HOMER1: variants seen among roughly 807,000 people sequenced by gnomAD.
The protein encoded by HOMER1 is homer protein homolog 1.
Under a neutral mutation model 48.9 loss-of-function variants are expected in HOMER1, and 3 were observed. That is an observed-to-expected ratio of 0.06 (90% CI 0.03 to 0.16). The LOEUF is 0.16. HOMER1 is among the 10% of genes least tolerant of loss of function. The pLI is 1.00. For missense variants in HOMER1, 247 were observed against 411.4 expected (o/e 0.60, Z 3.46); for synonymous variants, 134 against 146.4 (o/e 0.92, Z 0.61).
At chr5:79,417,114 G>T (rs1749962801) in intron 5 of HOMER1, among the ~76,000 whole-genome samples, 1 of 150,654 alleles carries the variant, frequency 6.6e-6, no homozygotes, top group Non-Finnish European at 1.5e-5. Context: ...TATTTTTGTT[G>T]ATTTCCCTAT....
At chr5:79,394,837 T>C (rs543135572) in intron 8 of HOMER1, among the ~76,000 whole-genome samples, 1 of 152,336 alleles carries the variant, frequency 6.6e-6, no homozygotes, top group Non-Finnish European at 1.5e-5. Context: ...CCCAAAGCAC[T>C]GGGATTATAG....
In HOMER1 at chr5:79,473,785, C is replaced by T. The variant is rs965632579; in HGVS notation, c.6-16767G>A. ...AACAGCATGAGCATAGCATATCACC[C>T]TGCAGCAATTCCACATCATGGCAAT... On this transcript the variant is annotated intron_variant, in intron 1 of 8. Coordinates refer to ENST00000334082, the MANE Select transcript of HOMER1 (RefSeq NM_004272.5). 5.9e-5 allele frequency among the ~76,000 whole-genome samples: 9 copies of T among 152,088 alleles called. 1 individual carries two copies. Among genetic ancestry groups the T allele is most frequent in the African/African-American group, 2.2e-4 (9 of 41,406 alleles).
At chr5:79,481,678 A>G (rs1751950763) in intron 1 of HOMER1, among the ~76,000 whole-genome samples, 1 of 152,210 alleles carries the variant, frequency 6.6e-6, no homozygotes, top group Non-Finnish European at 1.5e-5. Flanking sequence ...TAGGAAGAGC[A>G]AGTAGAACAA....
intron 8 of HOMER1, among the ~76,000 whole-genome samples, chr5:79,379,469 TATATATAAATATATAA>T (rs992182545): frequency 8.7e-6 from 1 of 114,720 alleles, no homozygotes; most frequent in Non-Finnish European, 1.7e-5. Flanking sequence ...ATATATATTT[TATATATAAATATATAA>T]ATATATAAAT....
At chr5:79,389,137 T>A (rs1226740695) in intron 8 of HOMER1, among the ~76,000 whole-genome samples, 1 of 152,062 alleles carries the variant, frequency 6.6e-6, no homozygotes, top group Non-Finnish European at 1.5e-5. Flanking sequence ...GGAATCAGAT[T>A]TCTCAAAAGA....
intron 2 of HOMER1, among the ~76,000 whole-genome samples, chr5:79,452,774 A>G (rs1273952564): frequency 6.6e-6 from 1 of 152,192 alleles, no homozygotes; most frequent in African/African-American, 2.4e-5. Context: ...CTTATGCTCA[A>G]TTAAGTGTTT....
At chr5:79,419,116 ATTTTT>A (rs913635949) in intron 5 of HOMER1, among the ~76,000 whole-genome samples, 1 of 151,492 alleles carries the variant, frequency 6.6e-6, no homozygotes. Context: ...GGATGTCTAT[ATTTTT>A]TTTTAAGGAT....
Position 79,512,797 on chromosome 5 carries a change from T to C in HOMER1, c.-23A>G, listed in dbSNP as rs1176507740. 6.2e-7 allele frequency: 1 copy of C among 1,612,770 alleles called. No homozygotes were observed. The highest frequency in any genetic ancestry group is 8.5e-7 in the Non-Finnish European group (1 of 1,178,956). On this transcript the variant is annotated 5_prime_UTR_variant, in exon 1 of 9. Coordinates refer to ENST00000334082, the MANE Select transcript of HOMER1 (RefSeq NM_004272.5). ...CATTTTGCCCAATGAAAACTTGCTC[T>C]GAAGTTTCAGCTCTTATGCTACGGA... is the stretch of plus-strand genomic sequence containing the variant.
intron 1 of HOMER1, among the ~76,000 whole-genome samples, chr5:79,501,048 G>A (rs1752572752): frequency 6.6e-6 from 1 of 151,266 alleles, no homozygotes; most frequent in African/African-American, 2.4e-5. Flanking sequence ...TCAGCTTACT[G>A]CATCCTCTGC....
At chr5:79,383,867 T>C (rs146058408) in intron 8 of HOMER1, among the ~76,000 whole-genome samples, 139 of 152,194 alleles carry the variant, frequency 9.1e-4, no homozygotes, top group African/African-American at 3.3e-3. Context: ...GTGGAAACTA[T>C]ACAAATATAT....
intron 5 of HOMER1, among the ~76,000 whole-genome samples, chr5:79,434,489 T>C (rs1750516830): frequency 6.6e-6 from 1 of 152,120 alleles, no homozygotes; most frequent in Admixed American, 6.5e-5. Context: ...ATATAGCTAA[T>C]CTAAGATTGG....
chr5:79,477,754 C>T (rs959869706), intron 1 of HOMER1, among the ~76,000 whole-genome samples: 2 of 152,142 alleles, frequency 1.3e-5, no homozygotes, highest in African/African-American at 4.8e-5. Flanking sequence ...GCACAACCAC[C>T]TTTAAATTGT....
intron 5 of HOMER1, among the ~76,000 whole-genome samples, chr5:79,421,315 T>C (rs1750093219): frequency 6.6e-6 from 1 of 152,222 alleles, no homozygotes; most frequent in African/African-American, 2.4e-5. Flanking sequence ...GTTCCAAATG[T>C]TTAGTTATGT....
chr5:79,448,152 A>C (rs371717976), intron 3 of HOMER1, among the ~76,000 whole-genome samples: 1 of 152,166 alleles, frequency 6.6e-6, no homozygotes, highest in African/African-American at 2.4e-5. Context: ...TTCTACCTAT[A>C]ATGTGTATCT....
chr5:79,466,767 T>A (rs971848511), intron 1 of HOMER1, among the ~76,000 whole-genome samples: 2 of 149,654 alleles, frequency 1.3e-5, no homozygotes, highest in African/African-American at 2.5e-5. Context: ...AAAATCTAAG[T>A]GATTTCCCAA....
chr5:79,382,221 A>G lies in HOMER1; in HGVS notation c.877-6024T>C, dbSNP rs138697421. Among the ~76,000 whole-genome samples, 244 of 152,330 alleles carry G rather than the reference A, an allele frequency of 1.6e-3. 1 individual carries two copies. The highest frequency in any genetic ancestry group is 2.6e-3 in the Non-Finnish European group (177 of 68,030). ...TCAGGGTTCCCGGAGGTGAAGAGAGAGCAAAAGGGTAGAAAACCTATTTAA... is the reference window on the plus strand; with the variant it reads ...TCAGGGTTCCCGGAGGTGAAGAGAGGGCAAAAGGGTAGAAAACCTATTTAA... On this transcript the variant is annotated intron_variant, in intron 8 of 8. Transcript: ENST00000334082.
At chr5:79,402,682 C>G (rs1749562008) in intron 5 of HOMER1, among the ~76,000 whole-genome samples, 1 of 151,934 alleles carries the variant, frequency 6.6e-6, no homozygotes, top group Non-Finnish European at 1.5e-5. Context: ...ACATTATAGC[C>G]TGAAAAACAT....
At chr5:79,512,683 G>A (rs1218359720) in intron 1 of HOMER1, 87 bp downstream of exon 1, 3 of 1,324,288 alleles carry the variant, frequency 2.3e-6, no homozygotes, top group Non-Finnish European at 2.2e-6. Flanking sequence ...AAGTTTGTTT[G>A]AAAACACAAA....
At chr5:79,486,806 C>T (rs951322453) in intron 1 of HOMER1, among the ~76,000 whole-genome samples, 2 of 152,152 alleles carry the variant, frequency 1.3e-5, no homozygotes, top group South Asian at 4.1e-4. Flanking sequence ...GTTTAGATGT[C>T]AGTTTACAAG....
Sources: gnomAD v4.1 joint callset for allele counts (sites outside exome capture counted in the v4.1 genomes callset) on GRCh38, gnomAD v4.1.1 for gene constraint, MANE v1.5 for transcripts, NCBI Gene and HGNC (gene_info 2026-07-23, HGNC 2026-07-21) for gene names.